The following AUTS2 variants were observed in gnomAD, a reference collection of about 807,000 sequenced individuals.
AUTS2 encodes the protein autism susceptibility gene 2 protein.
AUTS2 carries 17 observed loss-of-function variants against 112.4 expected under a neutral mutation model. The ratio of observed to expected loss-of-function variants is 0.15; its 90% confidence interval spans 0.10 to 0.23. AUTS2 has a LOEUF of 0.23. Among genes scored for constraint, AUTS2 ranks in the 10% least tolerant of loss-of-function variants. The pLI, the probability that AUTS2 is intolerant of heterozygous loss-of-function variation, is 1.00. For missense variants in AUTS2, 1,510 were observed against 1,701.6 expected (o/e 0.89, Z 1.98); for synonymous variants, 751 against 702.7 (o/e 1.07, Z -1.09).
rs57525224 is a variant in AUTS2 at position 70,739,003 on chromosome 7, C to CTTTTTTTTTTTTTTTTTT, written c.743-23850_743-23833dup. Among the ~76,000 whole-genome samples, 12 of 57,306 alleles carry CTTTTTTTTTTTTTTTTTT rather than the reference C, an allele frequency of 2.1e-4. 4 individuals are homozygous for CTTTTTTTTTTTTTTTTTT. Among genetic ancestry groups the CTTTTTTTTTTTTTTTTTT allele is most frequent in the Non-Finnish European group, 3.2e-4 (10 of 31,708 alleles). 37.6% of individuals were successfully genotyped at this position (57,306 alleles called of 152,430 possible). A position where few individuals can be genotyped will look rare whatever the true frequency, so the allele number is the denominator to read the frequency against. ...GGTGATGTCCACGAGGTTTTGAGGC[C>CTTTTTTTTTTTTTTTTTT]TTTTTTTTTTTTTTTTTTTTTTTTT... On this transcript the variant is annotated intron_variant, in intron 6 of 18. Coordinates refer to ENST00000342771, the MANE Select transcript of AUTS2 (RefSeq NM_015570.4).
intron 1 of AUTS2, among the ~76,000 whole-genome samples, chr7:69,625,543 T>G (rs1793904382): frequency 6.6e-6 from 1 of 152,046 alleles, no homozygotes; most frequent in African/African-American, 2.4e-5. Flanking sequence ...AACACCTAGA[T>G]AAAAAACATG....
At chr7:70,006,232 T>G (rs1260159988) in intron 2 of AUTS2, among the ~76,000 whole-genome samples, 1 of 152,182 alleles carries the variant, frequency 6.6e-6, no homozygotes, top group African/African-American at 2.4e-5. Context: ...AGGATACAAC[T>G]GGAAAAAATT....
chr7:70,490,851 A>G (rs1585208605), intron 5 of AUTS2, among the ~76,000 whole-genome samples: 1 of 152,184 alleles, frequency 6.6e-6, no homozygotes, highest in Non-Finnish European at 1.5e-5. Context: ...CACAGTTTAT[A>G]TGCTTCTGAA....
In AUTS2 at chr7:70,710,821, G is replaced by T. The variant is rs1462387476; in HGVS notation, c.742+12201G>T. Among the ~76,000 whole-genome samples the T allele has an allele frequency of 5.3e-5, 8 of 152,332 alleles. 1 individual carries two copies. Among genetic ancestry groups the T allele is most frequent in the Non-Finnish European group, 1.2e-4 (8 of 68,020 alleles). On this transcript the variant is annotated intron_variant, in intron 6 of 18. Coordinates refer to ENST00000342771, the MANE Select transcript of AUTS2 (RefSeq NM_015570.4). ...CAAGAAGCTTAAAAAACAAATTCCT[G>T]GATTTGGAGCAGTGTGCTCTGGTGG...
intron 5 of AUTS2, among the ~76,000 whole-genome samples, chr7:70,679,242 A>G (rs10227976): frequency 0.023 from 3,565 of 152,316 alleles, 132 homozygotes; most frequent in African/African-American, 0.082. Flanking sequence ...ACAAACAAAA[A>G]TGAGTAACTG....
intron 4 of AUTS2, among the ~76,000 whole-genome samples, chr7:70,300,437 C>T (rs1314257564): frequency 5.9e-5 from 9 of 152,136 alleles, no homozygotes; most frequent in African/African-American, 1.7e-4. Flanking sequence ...TCCAGCAGGA[C>T]ACATGGACTT....
intron 4 of AUTS2, among the ~76,000 whole-genome samples, chr7:70,408,578 T>C (rs1035931282): frequency 6.6e-6 from 1 of 152,196 alleles, no homozygotes; most frequent in Non-Finnish European, 1.5e-5. Flanking sequence ...TGGTGCATTC[T>C]GGGTGCTCAG....
intron 4 of AUTS2, among the ~76,000 whole-genome samples, chr7:70,333,808 G>C (rs1017718875): frequency 2.6e-5 from 4 of 152,140 alleles, no homozygotes; most frequent in Admixed American, 2.0e-4. Context: ...GGCCTGTTGG[G>C]GGGTGGAGGG....
chr7:69,964,603 T>C lies in AUTS2; in HGVS notation c.522+65105T>C, dbSNP rs1169037650. Among the ~76,000 whole-genome samples, 8 of 152,112 alleles carry C rather than the reference T, an allele frequency of 5.3e-5. No homozygotes were observed. In the Middle Eastern group the frequency reaches 0.01, roughly 194 times the overall value. ...CCAGGTAGAATATCCATAAAGCCTA[T>C]GAATGAGTCTTAACTACTTGATTAC... On this transcript the variant is annotated intron_variant, in intron 2 of 18. Transcript: ENST00000342771.
Position 70,790,964 on chromosome 7 carries a change from T to G in AUTS2, c.3748T>G (p.Ser1250Ala). Residue 1250 changes from serine to alanine, a missense_variant, in exon 19 of 19, where the codon TCC (serine) becomes GCC (alanine). Physicochemically the swap from Ser to Ala is moderately conservative, Grantham distance 99. Around this residue, in one of 3 missense-constraint regions of AUTS2, gnomAD observed 788 missense variants for 797.6 expected, o/e 0.99. Transcript: ENST00000342771. This position sits in a 1 kb window ranked among gnomAD's most constrained non-coding sequence, Gnocchi z 7.6. Reference sequence around the variant, plus strand: ...CGCAGAGATAAGGGAGAGGCCCCCTTCCCACACGCTGAAGGATATCGAGGC... The same window carrying G: ...CGCAGAGATAAGGGAGAGGCCCCCTGCCCACACGCTGAAGGATATCGAGGC... ...LSAEIRERPP[S>A]HTLKDIEAR 1 of 1,508,184 alleles carries G rather than the reference T, an allele frequency of 6.6e-7. No individual in the cohort carries two copies. The highest frequency in any genetic ancestry group is 8.9e-7 in the Non-Finnish European group (1 of 1,128,096). 93.4% of individuals were successfully genotyped at this position (1,508,184 alleles called of 1,614,324 possible).
At position 69,685,281 on chromosome 7, in the gene AUTS2, C is replaced by T. The variant is rs142308802; in HGVS notation, c.309+85319C>T. Among the ~76,000 whole-genome samples the T allele has an allele frequency of 7.4e-3, 1,121 of 152,326 alleles. 8 individuals carry two copies. Among genetic ancestry groups the T allele is most frequent in the Non-Finnish European group, 0.01 (701 of 68,022 alleles). Reference sequence around the variant, plus strand: ...GCATGAAATGATCTTGTCTTTTTCTCTATCTAAAGCCTGCTTTTCCTCCAA... The same window carrying T: ...GCATGAAATGATCTTGTCTTTTTCTTTATCTAAAGCCTGCTTTTCCTCCAA... On this transcript the variant is annotated intron_variant, in intron 1 of 18. Coordinates refer to ENST00000342771, the MANE Select transcript of AUTS2 (RefSeq NM_015570.4).
At chr7:70,606,463 A>G (rs1212014942) in intron 5 of AUTS2, among the ~76,000 whole-genome samples, 1 of 152,220 alleles carries the variant, frequency 6.6e-6, no homozygotes, top group Non-Finnish European at 1.5e-5. Context: ...GCACTTTGTT[A>G]GCAGCCGGGG....
chr7:70,561,161 T>A (rs1029801145), intron 5 of AUTS2, among the ~76,000 whole-genome samples: 3 of 152,230 alleles, frequency 2.0e-5, no homozygotes, highest in Non-Finnish European at 2.9e-5. Context: ...AATCTTAGCA[T>A]GTGAGATCAC....
chr7:70,694,466 C>A lies in AUTS2; in HGVS notation c.691-4103C>A, dbSNP rs903444063. 6.7e-6 allele frequency: 1 copy of A among 149,070 alleles called. No individual in the cohort carries two copies. Among genetic ancestry groups the A allele is most frequent in the Non-Finnish European group, 1.5e-5 (1 of 66,924 alleles). The allele number at this position is 149,070 out of a possible 1,614,324, so 9.2% of individuals were successfully genotyped here. On this transcript the variant is annotated intron_variant, in intron 5 of 18. Coordinates refer to ENST00000342771, the MANE Select transcript of AUTS2 (RefSeq NM_015570.4). This position sits in a 1 kb window ranked among gnomAD's most constrained non-coding sequence, Gnocchi z 4.1. ...GGACCGGCTGTCGGGGAGCCCCGGG[C>A]GGCCGCCGGGGAGAAGCCGCCGCGC... is the stretch of plus-strand genomic sequence containing the variant.
At chr7:69,974,352 T>G (rs1797973036) in intron 2 of AUTS2, among the ~76,000 whole-genome samples, 1 of 150,744 alleles carries the variant, frequency 6.6e-6, no homozygotes, top group African/African-American at 2.4e-5. Context: ...TTTTATTGAT[T>G]TTTTTCAAAG....
chr7:70,725,105 T>A lies in AUTS2; in HGVS notation c.742+26485T>A, dbSNP rs139685055. Among the ~76,000 whole-genome samples, 38 of 152,300 alleles carry A rather than the reference T, an allele frequency of 2.5e-4. No homozygotes were observed. The East Asian group carries it at 7.1e-3, about 29-fold the overall frequency. ...ATAATTTGTCTGCTTAAACAATGAT[T>A]TACAGATCTTTTGAGAAAGAGAGCA... On this transcript the variant is annotated intron_variant, in intron 6 of 18. Coordinates refer to ENST00000342771, the MANE Select transcript of AUTS2 (RefSeq NM_015570.4).
At chr7:70,404,131 A>G (rs1794435959) in intron 4 of AUTS2, among the ~76,000 whole-genome samples, 1 of 152,212 alleles carries the variant, frequency 6.6e-6, no homozygotes, top group African/African-American at 2.4e-5. Context: ...AAAATCCATC[A>G]TCCATCACCC....
intron 1 of AUTS2, among the ~76,000 whole-genome samples, chr7:69,767,335 C>T (rs559660381): frequency 9.2e-5 from 14 of 152,108 alleles, no homozygotes; most frequent in East Asian, 7.8e-4. Context: ...CACAACCATG[C>T]CTGGCTAATT....
rs546657882 is a variant in AUTS2 at position 70,658,465 on chromosome 7, A to G, written c.691-40104A>G. On this transcript the variant is annotated intron_variant, in intron 5 of 18. Transcript: ENST00000342771. ...ATCTCTCGGCTGAATCCAGCCCCTCACGGGGCTGATCCGCTTTGAAACCAG... is the reference window on the plus strand; with the variant it reads ...ATCTCTCGGCTGAATCCAGCCCCTCGCGGGGCTGATCCGCTTTGAAACCAG... Among the ~76,000 whole-genome samples, 5 of 152,346 alleles carry G rather than the reference A, an allele frequency of 3.3e-5. No homozygotes were observed. The East Asian group carries it at 9.6e-4, about 29-fold the overall frequency.
Sources: gnomAD v4.1 joint callset for allele counts (sites outside exome capture counted in the v4.1 genomes callset) on GRCh38, gnomAD v4.1.1 for gene constraint, gnomAD v4.1.1 regional missense constraint, Gnocchi (gnomAD v3.1) non-coding constraint, MANE v1.5 for transcripts, NCBI Gene and HGNC (gene_info 2026-07-23, HGNC 2026-07-21) for gene names.